The following HIGD1A variants were observed in gnomAD, a reference collection of about 807,000 sequenced individuals.
The protein encoded by HIGD1A is HIG1 domain family member 1A, mitochondrial.
A neutral mutation model predicts 11.3 loss-of-function variants in HIGD1A; 8 were observed. That is an observed-to-expected ratio of 0.71 (90% CI 0.42 to 1.28). The LOEUF is 1.28. HIGD1A is among the 50% of genes most tolerant of loss of function. The probability of loss-of-function intolerance (pLI) is 0.01; values close to 1 mark genes in which losing one functional copy is unlikely to be tolerated. For missense variants in HIGD1A, 107 were observed against 118.8 expected (o/e 0.90, Z 0.46); for synonymous variants, 32 against 38.4 (o/e 0.83, Z 0.62).
chr3:42,803,959 G>A (rs1300899294), intron 1 of HIGD1A, among the ~76,000 whole-genome samples: 1 of 152,126 alleles, frequency 6.6e-6, no homozygotes, highest in African/African-American at 2.4e-5. Flanking sequence ...CTTCCTCGCC[G>A]CCTCTCTTCC....
chr3:42,802,502 T>C (rs1307550968), intron 1 of HIGD1A, among the ~76,000 whole-genome samples: 3 of 152,240 alleles, frequency 2.0e-5, no homozygotes, highest in African/African-American at 7.2e-5. Context: ...CAAAATATTA[T>C]AATTCCCATA....
intron 1 of HIGD1A, among the ~76,000 whole-genome samples, chr3:42,800,567 A>AT (rs371072946): frequency 0.012 from 1,576 of 136,416 alleles, 21 homozygotes; most frequent in African/African-American, 0.033. Context: ...AACTCCTCCC[A>AT]TTTTTTTTTT....
rs1404947336 is a variant in HIGD1A, at chr3:42,784,100, T to C, written c.*1171A>G. 6.7e-6 allele frequency among the ~76,000 whole-genome samples: 1 copy of C among 149,614 alleles called. No individual in the cohort carries two copies. Among genetic ancestry groups the C allele is most frequent in the Non-Finnish European group, 1.5e-5 (1 of 67,524 alleles). On this transcript the variant is annotated 3_prime_UTR_variant, in exon 4 of 4. Coordinates refer to ENST00000321331, the MANE Select transcript of HIGD1A (RefSeq NM_014056.4). ...CAAAAAAAAAAAAAAAAAATTTATA[T>C]GGATAATCAATAGAACAAAAATTAC...
chr3:42,799,691 A>G lies in HIGD1A; in HGVS notation c.-23+4745T>C, dbSNP rs75625653. Among the ~76,000 whole-genome samples, 48 of 152,112 alleles carry G rather than the reference A, an allele frequency of 3.2e-4. 1 individual carries two copies. The East Asian group carries it at 7.6e-3, about 24-fold the overall frequency. ...GCCTGGTCTCAAACTCCTGGCCCCAAGTGATTTGCCCGCCTCAGCCTCCCA... is the reference window on the plus strand; with the variant it reads ...GCCTGGTCTCAAACTCCTGGCCCCAGGTGATTTGCCCGCCTCAGCCTCCCA... On this transcript the variant is annotated intron_variant, in intron 1 of 3. Transcript: ENST00000321331.
chr3:42,789,312 G>A (rs1700390512), intron 2 of HIGD1A, among the ~76,000 whole-genome samples: 1 of 151,882 alleles, frequency 6.6e-6, no homozygotes, highest in African/African-American at 2.4e-5. Context: ...AAAAGTGCTG[G>A]GATTATAGGT....
At chr3:42,786,778 T>C (rs539084899) in intron 2 of HIGD1A, among the ~76,000 whole-genome samples, 2 of 152,320 alleles carry the variant, frequency 1.3e-5, no homozygotes, top group South Asian at 2.1e-4. Context: ...TTAAGATTTA[T>C]TATTTTATTT....
At chr3:42,801,500 G>C (rs1423390987) in intron 1 of HIGD1A, among the ~76,000 whole-genome samples, 1 of 152,252 alleles carries the variant, frequency 6.6e-6, no homozygotes, top group East Asian at 1.9e-4. Flanking sequence ...TATATAATAT[G>C]TACACTACAA....
chr3:42,793,158 T>C (rs534199453), intron 2 of HIGD1A, among the ~76,000 whole-genome samples: 68 of 152,328 alleles, frequency 4.5e-4, no homozygotes, highest in Non-Finnish European at 7.8e-4. Flanking sequence ...AATGGTGGCA[T>C]TAAAGGTAAT....
rs771157165 is a variant in HIGD1A at position 42,804,218 on chromosome 3, C to T, written c.-23+218G>A. 4 of 1,609,172 alleles carry T rather than the reference C, an allele frequency of 2.5e-6. No homozygotes were observed. In the South Asian group the frequency reaches 3.3e-5, roughly 13 times the overall value. On this transcript the variant is annotated intron_variant, in intron 1 of 3. Transcript: ENST00000321331. Reference sequence around the variant, plus strand: ...TCCTCGCTGGCTCCGTCTCCCCTCACCCGAAGGACCCTAGGCCTCGGCTCC... The same window carrying T: ...TCCTCGCTGGCTCCGTCTCCCCTCATCCGAAGGACCCTAGGCCTCGGCTCC...
chr3:42,796,766 G>T (rs1308813205), intron 1 of HIGD1A, among the ~76,000 whole-genome samples: 1 of 152,058 alleles, frequency 6.6e-6, no homozygotes, highest in Non-Finnish European at 1.5e-5. Context: ...AAGATCAGAC[G>T]AGCCAGTTTA....
rs780326839 is a variant in HIGD1A, at chr3:42,783,841, C to G, written c.*1430G>C. ...CTGTAATCCTAGCACTTTGGGAGGC[C>G]GAGGCAGGTGGATAACCTGAGGTCA... is the stretch of plus-strand genomic sequence containing the variant. On this transcript the variant is annotated 3_prime_UTR_variant, in exon 4 of 4. Coordinates refer to ENST00000321331, the MANE Select transcript of HIGD1A (RefSeq NM_014056.4). Among the ~76,000 whole-genome samples, 1 of 151,782 alleles carries G rather than the reference C, an allele frequency of 6.6e-6. No individual in the cohort carries two copies. Among genetic ancestry groups the G allele is most frequent in the Non-Finnish European group, 1.5e-5 (1 of 67,926 alleles).
intron 1 of HIGD1A, among the ~76,000 whole-genome samples, chr3:42,800,520 C>G (rs1053068483): frequency 2.5e-4 from 38 of 151,896 alleles, no homozygotes; most frequent in Admixed American, 1.0e-3. Flanking sequence ...GAGAGTTTCC[C>G]TCCCTTTCCA....
Position 42,786,008 on chromosome 3 carries a change from A to T in HIGD1A, c.232+20T>A. The T allele has an allele frequency of 6.2e-7, 1 of 1,610,720 alleles. No homozygotes were observed. The highest frequency in any genetic ancestry group is 8.5e-7 in the Non-Finnish European group (1 of 1,179,462). On this transcript the variant is annotated intron_variant, in intron 3 of 3. Coordinates refer to ENST00000321331, the MANE Select transcript of HIGD1A (RefSeq NM_014056.4). ...ACCTTAATGAGAAACGAAAATTTGAAATTTCCTATAGGAACCTACCAACAG... is the reference window on the plus strand; with the variant it reads ...ACCTTAATGAGAAACGAAAATTTGATATTTCCTATAGGAACCTACCAACAG...
rs1383516264 is a variant in HIGD1A, at chr3:42,787,594, A to AAAAAAAATATAT, written c.98-1433_98-1432insATATATTTTTTT. Among the ~76,000 whole-genome samples, 35 of 141,248 alleles carry AAAAAAAATATAT rather than the reference A, an allele frequency of 2.5e-4. 1 individual carries two copies. Among genetic ancestry groups the AAAAAAAATATAT allele is most frequent in the Admixed American group, 2.2e-3 (29 of 13,378 alleles). The allele number at this position is 141,248 out of a possible 152,430, so 92.7% of individuals were successfully genotyped here. On this transcript the variant is annotated intron_variant, in intron 2 of 3. Transcript: ENST00000321331. ...CGACAGAGCGAGACTCCATCTCAAA[A>AAAAAAAATATAT]ATATATATATATATATATATATATA...
intron 1 of HIGD1A, among the ~76,000 whole-genome samples, chr3:42,796,446 T>TA (rs10719438): frequency 2.9e-4 from 41 of 141,236 alleles, no homozygotes; most frequent in African/African-American, 9.2e-4. Context: ...TTTTTTTTTT[T>TA]AAAAAAAAAA....
At chr3:42,789,933 G>C (rs1293396683) in intron 2 of HIGD1A, among the ~76,000 whole-genome samples, 1 of 151,952 alleles carries the variant, frequency 6.6e-6, no homozygotes, top group Admixed American at 6.6e-5. Flanking sequence ...GTGTTGCCCA[G>C]GCTGTCTTGA....
At chr3:42,785,553 A>G (rs1700339202) in intron 3 of HIGD1A, among the ~76,000 whole-genome samples, 1 of 152,214 alleles carries the variant, frequency 6.6e-6, no homozygotes, top group African/African-American at 2.4e-5. Flanking sequence ...GCTACTTCAC[A>G]TGTTACAATA....
At chr3:42,787,594 A>ATATAT (rs1700367368) in intron 2 of HIGD1A, among the ~76,000 whole-genome samples, 1 of 141,256 alleles carries the variant, frequency 7.1e-6, no homozygotes, top group African/African-American at 2.6e-5. Context: ...CCATCTCAAA[A>ATATAT]ATATATATAT....
chr3:42,799,544 T>C (rs1259229289), intron 1 of HIGD1A, among the ~76,000 whole-genome samples: 1 of 152,180 alleles, frequency 6.6e-6, no homozygotes, highest in African/African-American at 2.4e-5. Flanking sequence ...CCGCAACCTC[T>C]GCCTCCGAGG....
Sources: allele counts gnomAD v4.1 joint callset (sites outside exome capture counted in the v4.1 genomes callset), GRCh38; gene constraint gnomAD v4.1.1; transcripts MANE v1.5; gene names NCBI Gene and HGNC (gene_info 2026-07-23, HGNC 2026-07-21).